BIRC6: variants seen among roughly 807,000 people sequenced by gnomAD.
The protein encoded by BIRC6 is baculoviral IAP repeat containing 6, also known as dual E2 ubiquitin-conjugating enzyme/E3 ubiquitin-protein ligase BIRC6.
In BIRC6, 98 loss-of-function variants were observed where a neutral mutation model predicts 503.3. That is an observed-to-expected ratio of 0.19 (90% confidence interval 0.17 to 0.23). The LOEUF (loss-of-function observed/expected upper bound fraction) is 0.23. Ranked by LOEUF, BIRC6 falls within the 10% of genes least tolerant of loss-of-function variation. The pLI, the probability that BIRC6 is intolerant of heterozygous loss-of-function variation, is 1.00. For synonymous variants in BIRC6, 2,240 were observed against 2,078.7 expected (o/e 1.08, Z -2.11); for missense variants, 5,360 against 5,806.0 (o/e 0.92, Z 2.50).
intron 53 of BIRC6, among the ~76,000 whole-genome samples, chr2:32,511,570 T>A (rs2054458155): frequency 6.8e-6 from 1 of 147,544 alleles, no homozygotes; most frequent in Non-Finnish European, 1.5e-5. Context: ...GACCTCATGA[T>A]CCGCCCACCT....
At position 32,525,460 on chromosome 2, in the gene BIRC6, T is replaced by G; in HGVS notation, c.11756-4T>G. 4 of 1,613,944 alleles carry G rather than the reference T, an allele frequency of 2.5e-6. No homozygotes were observed. The highest frequency in any genetic ancestry group is 3.4e-6 in the Non-Finnish European group (4 of 1,179,854). ...GTAGAATCTTACTGATCCTTTTCTTTTAGGGCTGAAGTCTCAATCTAAACG... is the reference window on the plus strand; with the variant it reads ...GTAGAATCTTACTGATCCTTTTCTTGTAGGGCTGAAGTCTCAATCTAAACG... On this transcript the variant is annotated splice_polypyrimidine_tract_variant and splice_region_variant and intron_variant, in intron 58 of 73. Transcript: ENST00000421745.
intron 4 of BIRC6, among the ~76,000 whole-genome samples, chr2:32,391,804 C>G (rs568428137): frequency 6.6e-6 from 1 of 152,188 alleles, no homozygotes; most frequent in East Asian, 1.9e-4. Flanking sequence ...TGTAATCTAC[C>G]CCTGGAGTTG....
chr2:32,415,451 G>T lies in BIRC6; in HGVS notation c.2160G>T (p.Leu720Phe). ...FPKPGTLVQCLRLPKFAEEEN... is the reference protein window; with the variant it reads ...FPKPGTLVQCFRLPKFAEEEN... Reference sequence around the variant, plus strand: ...AGCCTGGGACTTTGGTTCAGTGCTTGAGGCTGCCAAAGTTTGCAGAGGAGG... The same window carrying T: ...AGCCTGGGACTTTGGTTCAGTGCTTTAGGCTGCCAAAGTTTGCAGAGGAGG... The change falls in exon 10 of 74, where the codon TTG becomes TTT. Residue 720 changes from leucine to phenylalanine, a missense_variant. Transcript: ENST00000421745. The T allele has an allele frequency of 6.2e-7, 1 of 1,613,992 alleles. No homozygotes were observed. The highest frequency in any genetic ancestry group is 8.5e-7 in the Non-Finnish European group (1 of 1,179,904).
rs2050912185 is a variant in BIRC6 at position 32,485,730 on chromosome 2, T to C, written c.7784T>C (p.Leu2595Ser). Residue 2595 changes from leucine (L) to serine (S), a missense_variant, in exon 40 of 74, where the codon TTA becomes TCA. By Grantham distance (145) the Leu-to-Ser change is moderately radical (BLOSUM62 -2). Coordinates refer to ENST00000421745, the MANE Select transcript of BIRC6 (RefSeq NM_016252.4). Reference protein sequence around the residue: ...MMSTLEADSILQALTNTSPTL... With the variant: ...MMSTLEADSISQALTNTSPTL... The stretch of plus-strand genomic sequence containing the variant: ...TCTACTCTGGAGGCAGATTCCATTT[T>C]ACAGGCATTAACAAATACATCTCCT... 1 of 1,612,780 alleles carries C rather than the reference T, an allele frequency of 6.2e-7. No homozygotes were observed. Among genetic ancestry groups the C allele is most frequent in the Non-Finnish European group, 8.5e-7 (1 of 1,178,796 alleles).
At chr2:32,445,258 C>A (rs978721353) in intron 20 of BIRC6, among the ~76,000 whole-genome samples, 3 of 152,206 alleles carry the variant, frequency 2.0e-5, no homozygotes, top group African/African-American at 7.2e-5. Context: ...TTATTATACA[C>A]CTAAATGACT....
chr2:32,446,756 TTTTTTTTTTTTTTTTA>T (rs1409774718), intron 21 of BIRC6, among the ~76,000 whole-genome samples: 3 of 138,132 alleles, frequency 2.2e-5, no homozygotes, highest in South Asian at 5.1e-4. Context: ...TTTTTTTTTT[TTTTTTTTTTTTTTTTA>T]TTGATCATTC....
intron 73 of BIRC6, among the ~76,000 whole-genome samples, chr2:32,612,153 CA>C (rs1459744340): frequency 1.6e-4 from 25 of 152,336 alleles, no homozygotes; most frequent in African/African-American, 5.8e-4. Context: ...TAGGCATGAG[CA>C]ACCGTGCCAG....
At chr2:32,484,412 G>A (rs2050758629) in intron 39 of BIRC6, among the ~76,000 whole-genome samples, 1 of 152,012 alleles carries the variant, frequency 6.6e-6, no homozygotes, top group African/African-American at 2.4e-5. Flanking sequence ...AAATTAGCCA[G>A]ACATGGTGGC....
At chr2:32,486,485 T>C (rs2051007226) in intron 40 of BIRC6, among the ~76,000 whole-genome samples, 2 of 151,938 alleles carry the variant, frequency 1.3e-5, no homozygotes, top group South Asian at 4.2e-4. Flanking sequence ...CTCGGAGGAG[T>C]ACAGTTGAAA....
intron 23 of BIRC6, among the ~76,000 whole-genome samples, chr2:32,457,174 C>T (rs1037036754): frequency 6.6e-6 from 1 of 152,154 alleles, no homozygotes; most frequent in Non-Finnish European, 1.5e-5. Flanking sequence ...ATTTTTCCAT[C>T]TTTTTACTTT....
chr2:32,390,673 T>C (rs1422941443), intron 4 of BIRC6, among the ~76,000 whole-genome samples: 4 of 152,222 alleles, frequency 2.6e-5, no homozygotes, highest in Non-Finnish European at 2.9e-5. Context: ...CTAAGCATCT[T>C]TCTGAAGTAC....
intron 61 of BIRC6, among the ~76,000 whole-genome samples, chr2:32,536,244 T>G (rs1390103224): frequency 6.6e-6 from 1 of 152,172 alleles, no homozygotes; most frequent in Admixed American, 6.5e-5. Context: ...AATTTTGTCC[T>G]ATTCTGTATG....
chr2:32,432,065 C>T (rs943672758), intron 12 of BIRC6, among the ~76,000 whole-genome samples: 15 of 152,024 alleles, frequency 9.9e-5, no homozygotes, highest in African/African-American at 3.6e-4. Flanking sequence ...AGAAATATGA[C>T]CATTGTTGTT....
At position 32,431,086 on chromosome 2, in the gene BIRC6, G is replaced by T; in HGVS notation, c.3244G>T (p.Asp1082Tyr). 6.3e-7 allele frequency: 1 copy of T among 1,589,268 alleles called. No homozygotes were observed. Among genetic ancestry groups the T allele is most frequent in the Non-Finnish European group, 8.6e-7 (1 of 1,164,230 alleles). The stretch of plus-strand genomic sequence containing the variant: ...TACTCGAACTTGGAAACTACAGACC[G>T]ACAGGTAAAAGATATTCCCAAGATA... ...QHTRTWKLQTDSNSWDEHVFE... is the reference protein window; with the variant it reads ...QHTRTWKLQTYSNSWDEHVFE... The change falls in exon 12 of 74, where the codon GAC becomes TAC. Residue 1082 changes from aspartate (D) to tyrosine (Y), a missense_variant. Around this residue, in one of 16 missense-constraint regions of BIRC6, gnomAD observed 2,299 missense variants for 2,267.2 expected, o/e 1.01. Coordinates refer to ENST00000421745, the MANE Select transcript of BIRC6 (RefSeq NM_016252.4).
intron 49 of BIRC6, 90 bp from the exon 50 acceptor site, chr2:32,504,915 T>C: frequency 8.6e-7 from 1 of 1,168,788 alleles, no homozygotes. Flanking sequence ...TCAATTAATT[T>C]TTCTAGTTTA....
At chr2:32,531,674 G>C (rs55935060) in intron 61 of BIRC6, 123 bp downstream of exon 61, 110,472 of 873,290 alleles carry the variant, frequency 0.13, 7,684 homozygotes, top group Middle Eastern at 0.16. Context: ...TATATTTTTT[G>C]AACATTATAT....
chr2:32,442,978 A>G (rs2045582791), intron 19 of BIRC6, among the ~76,000 whole-genome samples: 1 of 152,138 alleles, frequency 6.6e-6, no homozygotes, highest in Non-Finnish European at 1.5e-5. Context: ...GTTTTTTCCT[A>G]TATATACATA....
At chr2:32,398,294 C>T (rs750134544) in intron 6 of BIRC6, among the ~76,000 whole-genome samples, 5 of 152,092 alleles carry the variant, frequency 3.3e-5, no homozygotes, top group Non-Finnish European at 5.9e-5. Context: ...CTTTTAAATG[C>T]CAATCAGGAG....
At chr2:32,374,070 A>G (rs1459780141) in intron 1 of BIRC6, among the ~76,000 whole-genome samples, 1 of 152,202 alleles carries the variant, frequency 6.6e-6, no homozygotes, top group African/African-American at 2.4e-5. Context: ...AAAGTCAGTT[A>G]CTGTTTAAAG....
Sources: allele counts gnomAD v4.1 joint callset (sites outside exome capture counted in the v4.1 genomes callset), GRCh38; gene constraint gnomAD v4.1.1; regional missense constraint gnomAD v4.1.1; transcripts MANE v1.5; gene names NCBI Gene and HGNC (gene_info 2026-07-23, HGNC 2026-07-21).